Variants in AFF2 observed in about 807,000 individuals in gnomAD.
AFF2 encodes AF4/FMR2 family member 2.
Under a neutral mutation model 76.9 loss-of-function variants are expected in AFF2, and 14 were observed. The ratio of observed to expected loss-of-function variants is 0.18; its 90% CI spans 0.12 to 0.28. The LOEUF (loss-of-function observed/expected upper bound fraction) is 0.28. AFF2 is among the 10% of genes least tolerant of loss of function. The probability of loss-of-function intolerance (pLI) is 1.00; values close to 1 mark genes in which losing one functional copy is unlikely to be tolerated. For synonymous variants in AFF2, 398 were observed against 366.7 expected (o/e 1.09, Z -0.98); for missense variants, 868 against 1,001.1 (o/e 0.87, Z 1.79).
chrX:148,716,044 A>G (rs782762044), intron 3 of AFF2, among the ~76,000 whole-genome samples: 50 of 111,341 alleles, frequency 4.5e-4, no homozygotes, highest in Non-Finnish European at 7.5e-4. Context: ...ACCACATTAT[A>G]TATATTATTT....
chrX:148,518,124 A>T (rs2052558399), intron 1 of AFF2, among the ~76,000 whole-genome samples: 1 of 111,960 alleles, frequency 8.9e-6, no homozygotes, highest in South Asian at 3.7e-4. Flanking sequence ...AATACCTTTT[A>T]TAAATATTGC....
chrX:148,983,068 A>C (rs781792341), intron 19 of AFF2, among the ~76,000 whole-genome samples: 229 of 112,020 alleles, frequency 2.0e-3, no homozygotes, highest in South Asian at 0.019. Context: ...TCGATTGCAA[A>C]TGTTCATCTT....
chrX:148,697,806 A>T (rs1451511069), intron 3 of AFF2, among the ~76,000 whole-genome samples: 2 of 112,134 alleles, frequency 1.8e-5, no homozygotes, highest in Non-Finnish European at 3.8e-5. Flanking sequence ...GATGCAACAG[A>T]GTCCAGCCCA....
intron 9 of AFF2, among the ~76,000 whole-genome samples, chrX:148,924,028 C>T (rs984585262): frequency 9.0e-6 from 1 of 111,708 alleles, no homozygotes; most frequent in Non-Finnish European, 1.9e-5. Context: ...AGCAAATAAA[C>T]GAGGCCTAAT....
intron 3 of AFF2, among the ~76,000 whole-genome samples, chrX:148,723,743 A>G (rs1557264014): frequency 5.4e-5 from 6 of 110,807 alleles, no homozygotes; most frequent in Non-Finnish European, 1.9e-5. Context: ...GATGGTGCCA[A>G]TTACTGCCAG....
intron 1 of AFF2, among the ~76,000 whole-genome samples, chrX:148,567,846 T>G (rs1320912434): frequency 8.9e-6 from 1 of 112,167 alleles, no homozygotes; most frequent in Non-Finnish European, 1.9e-5. Flanking sequence ...GGAGAAAATT[T>G]TAGCAAAAGA....
intron 1 of AFF2, among the ~76,000 whole-genome samples, chrX:148,579,758 G>A (rs548181303): frequency 2.7e-5 from 3 of 111,724 alleles, no homozygotes; most frequent in South Asian, 3.7e-4. Context: ...TGGAAAACTC[G>A]TCATGAAACT....
chrX:148,849,383 C>G lies in AFF2; in HGVS notation c.1262+5950C>G, dbSNP rs1426945657. Among the ~76,000 whole-genome samples the G allele has an allele frequency of 2.5e-4, 5 of 19,615 alleles. 1 individual carries two copies. Among genetic ancestry groups the G allele is most frequent in the South Asian group, 6.8e-3 (1 of 148 alleles). The allele number at this position is 19,615 out of a possible 115,157, so 17.0% of individuals were successfully genotyped here. A position where few individuals can be genotyped will look rare whatever the true frequency, so the allele number is the denominator to read the frequency against. The stretch of plus-strand genomic sequence containing the variant: ...CTCTCTCCTCCCCCCCCCCCCCCCC[C>G]CCCGCTGACCACCCCTCTCTCTCCT... On this transcript the variant is annotated intron_variant, in intron 7 of 20. Coordinates refer to ENST00000370460, the MANE Select transcript of AFF2 (RefSeq NM_002025.4).
intron 10 of AFF2, among the ~76,000 whole-genome samples, chrX:148,954,207 T>A (rs1557286950): frequency 8.9e-6 from 1 of 112,735 alleles, no homozygotes; most frequent in African/African-American, 3.2e-5. Flanking sequence ...ATGTTATATG[T>A]TCTTTATTTT....
chrX:148,581,277 C>CGTAT (rs2053382608), intron 1 of AFF2, among the ~76,000 whole-genome samples: 13 of 423 alleles, frequency 0.031, no homozygotes, highest in Admixed American at 0.062. Flanking sequence ...CACACATATA[C>CGTAT]ACGTATATAC....
rs370821602 is a variant in AFF2 at position 148,885,913 on chromosome X, G to T, written c.1287G>T (p.Leu429=). 2.2e-5 allele frequency: 26 copies of T among 1,208,350 alleles called. No homozygotes were observed. The highest frequency in any genetic ancestry group is 2.8e-5 in the Non-Finnish European group (25 of 894,246). ...GGATGCTTGAGGATGACCTGAAGCT[G>T]AGCAGTGATGAAGATGACCTTGAGC... ...FKSMLEDDLK[L]SSDEDDLEPV... The change falls in exon 8 of 21, where the codon CTG becomes CTT. Residue 429 remains leucine (L), a synonymous_variant. Coordinates refer to ENST00000370460, the MANE Select transcript of AFF2 (RefSeq NM_002025.4).
chrX:148,540,817 TC>T (rs2052845734), intron 1 of AFF2, among the ~76,000 whole-genome samples: 1 of 112,250 alleles, frequency 8.9e-6, no homozygotes, highest in Non-Finnish European at 1.9e-5. Flanking sequence ...TTCTGAGGCT[TC>T]CAGAATCCTG....
rs782816580 is a variant in AFF2 at position 148,504,499 on chromosome X, C to G, written c.47+3355C>G. On this transcript the variant is annotated intron_variant, in intron 1 of 20. Coordinates refer to ENST00000370460, the MANE Select transcript of AFF2 (RefSeq NM_002025.4). ...TTTGTAGTTTTTATGTGATGTCTCA[C>G]AAATAGCCTAATTAGAGGCAAGCTT... Among the ~76,000 whole-genome samples the G allele has an allele frequency of 1.5e-3, 167 of 112,848 alleles. 1 individual carries two copies. Among genetic ancestry groups the G allele is most frequent in the African/African-American group, 5.1e-3 (159 of 31,119 alleles).
In AFF2 at chrX:148,870,541, C is replaced by G. The variant is rs143700399; in HGVS notation, c.1263-15348C>G. 3.8e-3 allele frequency among the ~76,000 whole-genome samples: 421 copies of G among 111,879 alleles called. 2 individuals carry two copies. Among genetic ancestry groups the G allele is most frequent in the African/African-American group, 0.013 (393 of 30,778 alleles). On this transcript the variant is annotated intron_variant, in intron 7 of 20. Coordinates refer to ENST00000370460, the MANE Select transcript of AFF2 (RefSeq NM_002025.4). ...GGACACTGTGCCAAGAGAACTCGCT[C>G]AAGACCAAGAGACAGATCAGGCTGT...
rs2072555527 is a variant in AFF2, at chrX:148,993,317, C to T, written c.*1985C>T. 8.9e-6 allele frequency: 1 copy of T among 112,628 alleles called. No homozygotes were observed. 9.3% of individuals were successfully genotyped at this position (112,628 alleles called of 1,213,427 possible). A position where few individuals can be genotyped will look rare whatever the true frequency, so the allele number is the denominator to read the frequency against. ...ACCTGAAAGAATCTTTTCTGAGCCT[C>T]TTAAAAGAGGAAAATGATGATAACA... On this transcript the variant is annotated 3_prime_UTR_variant, in exon 21 of 21. Transcript: ENST00000370460.
chrX:148,721,754 G>A (rs372862548), intron 3 of AFF2, among the ~76,000 whole-genome samples: 4 of 112,240 alleles, frequency 3.6e-5, no homozygotes, highest in African/African-American at 1.3e-4. Context: ...AGAAGACTGC[G>A]GTGATGGCAG....
chrX:148,652,824 T>C (rs782144753), intron 2 of AFF2, among the ~76,000 whole-genome samples: 6 of 111,835 alleles, frequency 5.4e-5, no homozygotes, highest in Non-Finnish European at 1.1e-4. Context: ...GAGAGGCGAC[T>C]GGGAAGAGAT....
At chrX:148,680,129 A>C (rs2054531396) in intron 3 of AFF2, among the ~76,000 whole-genome samples, 1 of 112,016 alleles carries the variant, frequency 8.9e-6, no homozygotes, top group Non-Finnish European at 1.9e-5. Flanking sequence ...TGTATTGAGC[A>C]CATCTACATG....
intron 3 of AFF2, among the ~76,000 whole-genome samples, chrX:148,738,288 A>G (rs2055309821): frequency 1.8e-5 from 2 of 110,994 alleles, no homozygotes; most frequent in Middle Eastern, 4.6e-3. Context: ...TACCATTTCA[A>G]TCTCACTGCT....
Sources: gnomAD v4.1 joint callset for allele counts (sites outside exome capture counted in the v4.1 genomes callset) on GRCh38, gnomAD v4.1.1 for gene constraint, MANE v1.5 for transcripts, NCBI Gene and HGNC (gene_info 2026-07-23, HGNC 2026-07-21) for gene names.